Variants in DTX4 observed in about 807,000 individuals in gnomAD.
DTX4 encodes the protein E3 ubiquitin-protein ligase DTX4.
A neutral mutation model predicts 57.6 loss-of-function variants in DTX4; 28 were observed. That is an observed-to-expected ratio of 0.49 (90% confidence interval 0.36 to 0.67). DTX4 has a LOEUF of 0.67. Among genes scored for constraint, DTX4 ranks in the 30% least tolerant of loss-of-function variants. The probability of loss-of-function intolerance (pLI) is 0.00; values close to 1 mark genes in which losing one functional copy is unlikely to be tolerated. For missense variants in DTX4, 715 were observed against 836.8 expected (o/e 0.85, Z 1.80); for synonymous variants, 316 against 331.0 (o/e 0.95, Z 0.49).
chr11:59,198,045 A>G (rs1862696300), intron 7 of DTX4, among the ~76,000 whole-genome samples: 1 of 152,210 alleles, frequency 6.6e-6, no homozygotes, highest in African/African-American at 2.4e-5. Context: ...GAGTGTAAGT[A>G]GCAGGACACT....
intron 6 of DTX4, among the ~76,000 whole-genome samples, chr11:59,192,626 T>C (rs1161195702): frequency 2.6e-5 from 4 of 152,168 alleles, no homozygotes; most frequent in Non-Finnish European, 4.4e-5. Context: ...GCTAGACCCA[T>C]GGTGAGTATT....
At chr11:59,171,528 C>G (rs969668287), upstream of DTX4, 1 of 152,202 alleles carries the variant, frequency 6.6e-6, no homozygotes. Flanking sequence ...ATTGCTGCAT[C>G]CCTTTGGACT....
intron 4 of DTX4, 26 bp downstream of exon 4, chr11:59,189,349 A>G (rs778346376): frequency 8.0e-6 from 12 of 1,505,638 alleles, no homozygotes; most frequent in Admixed American, 4.3e-5. Context: ...CTCGTGGGGT[A>G]CTGAGAGTCA....
chr11:59,195,053 G>C (rs2135523257), intron 6 of DTX4, 155 bp from the exon 7 acceptor site: 1 of 749,960 alleles, frequency 1.3e-6, no homozygotes, highest in South Asian at 1.5e-5. Context: ...AAATAGCCTA[G>C]GTGACTGGGC....
At chr11:59,187,213 C>T (rs911967716) in intron 2 of DTX4, among the ~76,000 whole-genome samples, 4 of 152,220 alleles carry the variant, frequency 2.6e-5, no homozygotes, top group Non-Finnish European at 5.9e-5. Context: ...TACGTAAACA[C>T]AAGAGCCTGG....
At position 59,205,212 on chromosome 11, in the gene DTX4, G is replaced by T. The variant is rs1051813176; in HGVS notation, c.*303G>T. The stretch of plus-strand genomic sequence containing the variant: ...CTCCCTACCCCACCTCCCAAGTAGG[G>T]GCATGGTCAGCACACCTAGGGTATG... On this transcript the variant is annotated 3_prime_UTR_variant, in exon 9 of 9. Transcript: ENST00000227451. The T allele has an allele frequency of 1.4e-5, 5 of 366,632 alleles. No homozygotes were observed. Among genetic ancestry groups the T allele is most frequent in the African/African-American group, 1.0e-4 (5 of 48,506 alleles). 22.7% of individuals were successfully genotyped at this position (366,632 alleles called of 1,614,324 possible). A position where few individuals can be genotyped will look rare whatever the true frequency, so the allele number is the denominator to read the frequency against.
intron 1 of DTX4, among the ~76,000 whole-genome samples, chr11:59,178,304 G>A (rs1284475442): frequency 6.6e-6 from 1 of 152,176 alleles, no homozygotes; most frequent in African/African-American, 2.4e-5. Flanking sequence ...CTAATGGGAA[G>A]TCATGGAAGG....
Position 59,205,832 on chromosome 11 carries a change from A to T in DTX4, c.*923A>T, listed in dbSNP as rs1862798881. 1.3e-5 allele frequency: 2 copies of T among 152,894 alleles called. No individual in the cohort carries two copies. Among genetic ancestry groups the T allele is most frequent in the South Asian group, 4.1e-4 (2 of 4,824 alleles). The allele number at this position is 152,894 out of a possible 1,614,324, so 9.5% of individuals were successfully genotyped here. ...GGCTCTGTGCCCTCTGTGTCTGTGCATGCGCGTGTGTGTGTGGGCGTGTGT... is the reference window on the plus strand; with the variant it reads ...GGCTCTGTGCCCTCTGTGTCTGTGCTTGCGCGTGTGTGTGTGGGCGTGTGT... On this transcript the variant is annotated 3_prime_UTR_variant, in exon 9 of 9. Coordinates refer to ENST00000227451, the MANE Select transcript of DTX4 (RefSeq NM_015177.2).
At chr11:59,176,981 G>A in intron 1 of DTX4, among the ~76,000 whole-genome samples, 1 of 152,166 alleles carries the variant, frequency 6.6e-6, no homozygotes, top group African/African-American at 2.4e-5. Flanking sequence ...CTTTGGTTCT[G>A]AGGTCTGCAT....
In DTX4 at chr11:59,172,761, T is replaced by C; in HGVS notation, c.166T>C (p.Tyr56His). Residue 56 changes from tyrosine (Y) to histidine (H), a missense_variant, in exon 1 of 9, where the codon TAC becomes CAC. Coordinates refer to ENST00000227451, the MANE Select transcript of DTX4 (RefSeq NM_015177.2). ...LGQVDSRLAPYIIDLQSMNQF... is the reference protein window; with the variant it reads ...LGQVDSRLAPHIIDLQSMNQF... ...CCAGGTGGACAGCCGTCTCGCGCCCTACATCATCGACCTGCAGTCCATGAA... is the reference window on the plus strand; with the variant it reads ...CCAGGTGGACAGCCGTCTCGCGCCCCACATCATCGACCTGCAGTCCATGAA... The C allele has an allele frequency of 6.2e-7, 1 of 1,600,610 alleles. No individual in the cohort carries two copies. Among genetic ancestry groups the C allele is most frequent in the Non-Finnish European group, 8.5e-7 (1 of 1,174,976 alleles).
chr11:59,186,531 C>T (rs77140720), intron 2 of DTX4, among the ~76,000 whole-genome samples: 76 of 152,240 alleles, frequency 5.0e-4, no homozygotes, highest in African/African-American at 1.4e-3. Flanking sequence ...AAGAGCTGGG[C>T]GAGGAGAATC....
At position 59,207,816 on chromosome 11, in the gene DTX4, T is replaced by C. The variant is rs1018175315; in HGVS notation, c.*2907T>C. 1 of 152,660 alleles carries C rather than the reference T, an allele frequency of 6.6e-6. No homozygotes were observed. The highest frequency in any genetic ancestry group is 2.4e-5 in the African/African-American group (1 of 41,448). 9.5% of individuals were successfully genotyped at this position (152,660 alleles called of 1,614,324 possible). ...ATCCCCTAAAAGGTTAATTGTGTAT[T>C]TGTGGCTGCGTGTGCCTTTGTGTTT... is the stretch of plus-strand genomic sequence containing the variant. On this transcript the variant is annotated 3_prime_UTR_variant, in exon 9 of 9. Coordinates refer to ENST00000227451, the MANE Select transcript of DTX4 (RefSeq NM_015177.2).
intron 1 of DTX4, among the ~76,000 whole-genome samples, chr11:59,174,684 T>C (rs1862373701): frequency 6.6e-6 from 1 of 152,140 alleles, no homozygotes; most frequent in African/African-American, 2.4e-5. Flanking sequence ...TGACCCTTTC[T>C]ACAGAAGCGA....
chr11:59,193,058 T>A (rs1862619332), intron 6 of DTX4, among the ~76,000 whole-genome samples: 1 of 152,192 alleles, frequency 6.6e-6, no homozygotes, highest in Admixed American at 6.5e-5. Flanking sequence ...GAGTCTGAGA[T>A]CTCCCTGATA....
chr11:59,192,047 C>G (rs577066197), intron 5 of DTX4, 51 bp from the exon 6 acceptor site: 14 of 1,585,804 alleles, frequency 8.8e-6, no homozygotes, highest in Non-Finnish European at 1.0e-5. Flanking sequence ...GGAAATCTCC[C>G]AGGCTGAGTG....
rs889160823 is a variant in DTX4 at position 59,201,571 on chromosome 11, G to C, written c.1626+1798G>C. Among the ~76,000 whole-genome samples, 151 of 152,182 alleles carry C rather than the reference G, an allele frequency of 9.9e-4. 3 individuals carry two copies. The highest frequency in any genetic ancestry group is 9.8e-3 in the Admixed American group (150 of 15,272). On this transcript the variant is annotated intron_variant, in intron 8 of 8. Transcript: ENST00000227451. ...GGGTGGGACAGTGACCTTTCTACAG[G>C]GAGGCACTTTGGGTTTCATGTCAAA...
At chr11:59,176,881 C>A (rs903900828) in intron 1 of DTX4, among the ~76,000 whole-genome samples, 1 of 152,194 alleles carries the variant, frequency 6.6e-6, no homozygotes, top group African/African-American at 2.4e-5. Flanking sequence ...AATACTGATT[C>A]TAGAAAAGTC....
At chr11:59,176,082 A>C (rs754835342) in intron 1 of DTX4, among the ~76,000 whole-genome samples, 1 of 152,080 alleles carries the variant, frequency 6.6e-6, no homozygotes, top group Non-Finnish European at 1.5e-5. Flanking sequence ...TGCCTTCTTT[A>C]TGTCTTTTAA....
At chr11:59,192,593 G>C (rs1229014561) in intron 6 of DTX4, among the ~76,000 whole-genome samples, 1 of 152,166 alleles carries the variant, frequency 6.6e-6, no homozygotes, top group Admixed American at 6.5e-5. Context: ...ATCAGTGAGA[G>C]AGAAGGAAGT....
Sources: gnomAD v4.1 joint callset for allele counts (sites outside exome capture counted in the v4.1 genomes callset) on GRCh38, gnomAD v4.1.1 for gene constraint, MANE v1.5 for transcripts, NCBI Gene and HGNC (gene_info 2026-07-23, HGNC 2026-07-21) for gene names.